Variants in KLF7 observed in about 807,000 individuals in gnomAD.
KLF7 encodes Krueppel-like factor 7.
Under a neutral mutation model 27.3 loss-of-function variants are expected in KLF7, and 2 were observed. The observed-to-expected ratio is 0.07, with a 90% CI of 0.03 to 0.23. KLF7 has a LOEUF of 0.23. Among genes scored for constraint, KLF7 ranks in the 10% least tolerant of loss-of-function variants. The pLI, the probability that KLF7 is intolerant of heterozygous loss-of-function variation, is 1.00. For synonymous variants in KLF7, 165 were observed against 162.4 expected, an observed-to-expected ratio of 1.02 and a Z score of -0.12; for missense variants, 221 against 394.1, an observed-to-expected ratio of 0.56 and a Z score of 3.72.
intron 2 of KLF7, among the ~76,000 whole-genome samples, chr2:207,113,617 G>GC (rs1299506897): frequency 7.7e-6 from 1 of 129,820 alleles, no homozygotes; most frequent in Admixed American, 7.7e-5. Context: ...TGGGGGGGGG[G>GC]GGGAAATGAT....
chr2:207,145,921 G>T (rs1251978775), intron 1 of KLF7, among the ~76,000 whole-genome samples: 2 of 152,106 alleles, frequency 1.3e-5, no homozygotes, highest in African/African-American at 2.4e-5. Context: ...TAAAGAAAGA[G>T]AACCAAAAAA....
At chr2:207,167,073 T>G (rs1574613974), upstream of KLF7, 1 of 1,323,966 alleles carries the variant, frequency 7.6e-7, no homozygotes. Context: ...AGAGGGAGCC[T>G]AGGTAGACGT....
intron 1 of KLF7, among the ~76,000 whole-genome samples, chr2:207,130,289 T>C (rs996595768): frequency 6.6e-6 from 1 of 152,218 alleles, no homozygotes; most frequent in African/African-American, 2.4e-5. Flanking sequence ...TAGAAAAAGA[T>C]GGAGTCAAGA....
At chr2:207,155,757 AGACAT>A (rs1274045238) in intron 1 of KLF7, among the ~76,000 whole-genome samples, 2 of 152,216 alleles carry the variant, frequency 1.3e-5, no homozygotes, top group Admixed American at 1.3e-4. Flanking sequence ...GCCTCACAGA[AGACAT>A]CCTTCAACAC....
chr2:207,096,776 A>C (rs1002666353), intron 2 of KLF7, among the ~76,000 whole-genome samples: 7 of 152,242 alleles, frequency 4.6e-5, no homozygotes, highest in African/African-American at 1.7e-4. Flanking sequence ...GGCTAGCACA[A>C]ACGTTATACA....
At chr2:207,126,022 A>G (rs1382532538) in intron 1 of KLF7, among the ~76,000 whole-genome samples, 1 of 152,230 alleles carries the variant, frequency 6.6e-6, no homozygotes, top group African/African-American at 2.4e-5. Context: ...AAGCTTAGTG[A>G]AAAAGTAAGT....
At chr2:207,162,003 G>A (rs1054622602) in intron 1 of KLF7, among the ~76,000 whole-genome samples, 2 of 152,092 alleles carry the variant, frequency 1.3e-5, no homozygotes, top group African/African-American at 4.8e-5. Context: ...ATGACACGAC[G>A]CAAAGCTAAG....
intron 2 of KLF7, among the ~76,000 whole-genome samples, chr2:207,108,242 G>A (rs2076933168): frequency 6.6e-6 from 1 of 152,208 alleles, no homozygotes; most frequent in Non-Finnish European, 1.5e-5. Flanking sequence ...CATGAGAGGG[G>A]GGAGAAAGAT....
intron 3 of KLF7, among the ~76,000 whole-genome samples, chr2:207,085,149 C>T (rs575182624): frequency 1.7e-5 from 2 of 117,370 alleles, no homozygotes; most frequent in East Asian, 5.4e-4. Context: ...GCAACAAAGC[C>T]AGACTGTCTC....
intron 3 of KLF7, among the ~76,000 whole-genome samples, chr2:207,084,486 G>A (rs1296985978): frequency 1.3e-5 from 2 of 151,956 alleles, no homozygotes; most frequent in Non-Finnish European, 2.9e-5. Flanking sequence ...GGTAGGAAAT[G>A]TAACTGCACC....
At chr2:207,160,981 C>A (rs1437986965) in intron 1 of KLF7, among the ~76,000 whole-genome samples, 1 of 152,146 alleles carries the variant, frequency 6.6e-6, no homozygotes, top group Non-Finnish European at 1.5e-5. Context: ...TCATGGAGAA[C>A]AAAGAATAGT....
intron 1 of KLF7, among the ~76,000 whole-genome samples, chr2:207,151,703 T>C (rs1276945294): frequency 6.9e-6 from 1 of 145,838 alleles, no homozygotes; most frequent in Non-Finnish European, 1.5e-5. Flanking sequence ...AGTCAAATAG[T>C]CATTGGTTTT....
At chr2:207,104,707 C>G (rs1383587497) in intron 2 of KLF7, among the ~76,000 whole-genome samples, 1 of 152,194 alleles carries the variant, frequency 6.6e-6, no homozygotes, top group Non-Finnish European at 1.5e-5. Context: ...GATTGAAACT[C>G]AGGCCATCTT....
At chr2:207,081,363 C>G (rs1480559809) in intron 3 of KLF7, 99 bp from the exon 4 acceptor site, 9 of 1,049,250 alleles carry the variant, frequency 8.6e-6, no homozygotes, top group South Asian at 7.7e-5. Flanking sequence ...TAAACAGAGA[C>G]AGTGCACATG....
At chr2:207,160,518 C>T (rs995667898) in intron 1 of KLF7, among the ~76,000 whole-genome samples, 12 of 152,140 alleles carry the variant, frequency 7.9e-5, no homozygotes, top group Non-Finnish European at 1.5e-4. Context: ...GGGTATCCAC[C>T]GACCCCGTCT....
At chr2:207,138,670 A>G (rs2077854492) in intron 1 of KLF7, among the ~76,000 whole-genome samples, 1 of 152,210 alleles carries the variant, frequency 6.6e-6, no homozygotes, top group Non-Finnish European at 1.5e-5. Context: ...AGATATGCCA[A>G]TACAATTTCC....
At chr2:207,090,408 G>T (rs1256064943) in intron 2 of KLF7, among the ~76,000 whole-genome samples, 3 of 152,204 alleles carry the variant, frequency 2.0e-5, no homozygotes, top group East Asian at 3.8e-4. Flanking sequence ...CCAGACTCTA[G>T]AACTCAGTGT....
At chr2:207,145,724 T>A (rs961092531) in intron 1 of KLF7, among the ~76,000 whole-genome samples, 1 of 152,182 alleles carries the variant, frequency 6.6e-6, no homozygotes, top group Admixed American at 6.5e-5. Flanking sequence ...TAAACTTCTG[T>A]GCCTATTTAT....
At chr2:207,097,373 G>T (rs542474440) in intron 2 of KLF7, among the ~76,000 whole-genome samples, 2 of 152,214 alleles carry the variant, frequency 1.3e-5, no homozygotes, top group African/African-American at 4.8e-5. Flanking sequence ...TGTTATTAAC[G>T]GTGTTTGTTA....
Sources: allele counts gnomAD v4.1 joint callset (sites outside exome capture counted in the v4.1 genomes callset), GRCh38; gene constraint gnomAD v4.1.1; transcripts MANE v1.5; gene names NCBI Gene and HGNC (gene_info 2026-07-23, HGNC 2026-07-21).